Variants in CNTN1 observed in about 807,000 individuals in gnomAD.
CNTN1 encodes contactin-1.
In CNTN1, 38 loss-of-function variants were observed where a neutral mutation model predicts 126.4. That is an observed-to-expected ratio of 0.30 (90% CI 0.23 to 0.39). The LOEUF is 0.39. Among genes scored for constraint, CNTN1 ranks in the 10% least tolerant of loss-of-function variants. The pLI is 1.00. For missense variants in CNTN1, 1,009 were observed against 1,248.4 expected, an observed-to-expected ratio of 0.81 and a Z score of 2.89; for synonymous variants, 413 against 422.6, an observed-to-expected ratio of 0.98 and a Z score of 0.28.
At chr12:40,813,058 T>TCTTTCTTTCTTTCTTCCTTC (rs71078274) in intron 1 of CNTN1, among the ~76,000 whole-genome samples, 4 of 104,788 alleles carry the variant, frequency 3.8e-5, no homozygotes, top group African/African-American at 1.4e-4. Flanking sequence ...TTTCTTTCTT[T>TCTTTCTTTCTTTCTTCCTTC]CTTCCTTCCT....
At chr12:40,701,838 C>T (rs979891662) in intron 1 of CNTN1, among the ~76,000 whole-genome samples, 2 of 152,122 alleles carry the variant, frequency 1.3e-5, no homozygotes, top group South Asian at 4.1e-4. Context: ...CTTTCCTTTT[C>T]CCTTTTTCAT....
chr12:40,986,942 G>C (rs535356008), intron 16 of CNTN1, among the ~76,000 whole-genome samples: 1 of 152,132 alleles, frequency 6.6e-6, no homozygotes, highest in East Asian at 1.9e-4. Flanking sequence ...TTTTCTTCTT[G>C]CTAACATCTG....
chr12:40,778,235 A>C (rs1939662889), intron 1 of CNTN1, among the ~76,000 whole-genome samples: 2 of 151,832 alleles, frequency 1.3e-5, no homozygotes, highest in African/African-American at 2.4e-5. Context: ...TGTTATCATC[A>C]TATTTTATTG....
chr12:40,812,732 C>A (rs1306543495), intron 1 of CNTN1, among the ~76,000 whole-genome samples: 1 of 152,088 alleles, frequency 6.6e-6, no homozygotes, highest in East Asian at 1.9e-4. Context: ...GTTCCATTTG[C>A]ATGGAATATC....
At chr12:40,760,173 G>A (rs569851295) in intron 1 of CNTN1, among the ~76,000 whole-genome samples, 86 of 152,132 alleles carry the variant, frequency 5.7e-4, no homozygotes, top group African/African-American at 2.0e-3. Context: ...TTAGTTGACA[G>A]TATAGGAAAT....
At chr12:40,765,042 G>A (rs1592061629) in intron 1 of CNTN1, among the ~76,000 whole-genome samples, 1 of 150,858 alleles carries the variant, frequency 6.6e-6, no homozygotes, top group East Asian at 1.9e-4. Context: ...TAGTAATTGG[G>A]TACAATATTT....
chr12:40,915,428 A>C (rs1035640327), intron 3 of CNTN1, among the ~76,000 whole-genome samples: 1 of 152,148 alleles, frequency 6.6e-6, no homozygotes, highest in African/African-American at 2.4e-5. Context: ...GACACTAGAC[A>C]GGCCAGGGCT....
chr12:40,740,754 G>T (rs1937911139), intron 1 of CNTN1, among the ~76,000 whole-genome samples: 1 of 152,010 alleles, frequency 6.6e-6, no homozygotes, highest in Admixed American at 6.6e-5. Context: ...ATGGGGGTGG[G>T]TTTTCCCATG....
At chr12:40,788,576 A>C (rs1940113277) in intron 1 of CNTN1, among the ~76,000 whole-genome samples, 1 of 152,066 alleles carries the variant, frequency 6.6e-6, no homozygotes, top group African/African-American at 2.4e-5. Context: ...GTAGCATTAA[A>C]ATCACAAAAG....
intron 1 of CNTN1, among the ~76,000 whole-genome samples, chr12:40,755,231 A>G (rs1259158037): frequency 6.8e-6 from 1 of 146,640 alleles, no homozygotes; most frequent in Non-Finnish European, 1.5e-5. Flanking sequence ...AAAAAAGAAG[A>G]AAAGAAAAAG....
At chr12:40,914,790 A>G (rs1411758660) in intron 3 of CNTN1, among the ~76,000 whole-genome samples, 5 of 152,164 alleles carry the variant, frequency 3.3e-5, no homozygotes, top group African/African-American at 1.2e-4. Flanking sequence ...TAATTTGTGA[A>G]AAGTATTGTA....
intron 14 of CNTN1, among the ~76,000 whole-genome samples, chr12:40,958,896 G>T (rs1267153245): frequency 2.0e-5 from 3 of 152,006 alleles, no homozygotes; most frequent in African/African-American, 7.2e-5. Flanking sequence ...GAATGTTAAA[G>T]ATATGAAAGC....
At chr12:40,820,276 A>T (rs1941404070) in intron 1 of CNTN1, among the ~76,000 whole-genome samples, 1 of 152,126 alleles carries the variant, frequency 6.6e-6, no homozygotes, top group African/African-American at 2.4e-5. Context: ...TCTATTCCTG[A>T]GGTATCCATC....
At chr12:40,910,257 T>C (rs916773400) in intron 3 of CNTN1, 152 bp downstream of exon 3, 7 of 601,796 alleles carry the variant, frequency 1.2e-5, no homozygotes, top group South Asian at 2.1e-5. Context: ...TCTGAGATTA[T>C]AAGCAAACTG....
chr12:40,795,723 T>C (rs921425407), intron 1 of CNTN1, among the ~76,000 whole-genome samples: 1 of 152,126 alleles, frequency 6.6e-6, no homozygotes, highest in African/African-American at 2.4e-5. Flanking sequence ...TAAGCTCTTA[T>C]TGGTCATTAG....
intron 1 of CNTN1, among the ~76,000 whole-genome samples, chr12:40,793,068 C>T (rs1158706713): frequency 6.6e-6 from 1 of 152,034 alleles, no homozygotes; most frequent in Admixed American, 6.6e-5. Context: ...AAAAGAGACT[C>T]AGAGTCTAAC....
At chr12:40,850,978 A>T (rs1942695970) in intron 1 of CNTN1, among the ~76,000 whole-genome samples, 1 of 152,148 alleles carries the variant, frequency 6.6e-6, no homozygotes, top group Non-Finnish European at 1.5e-5. Context: ...ATTTCCATCC[A>T]ATTGTCTTGA....
chr12:40,925,407 C>T (rs888576607), intron 6 of CNTN1, among the ~76,000 whole-genome samples: 12 of 150,966 alleles, frequency 7.9e-5, no homozygotes, highest in Admixed American at 4.0e-4. Flanking sequence ...GAGAATGAAA[C>T]GTAACAGGCT....
At chr12:40,912,388 T>C (rs1250329321) in intron 3 of CNTN1, among the ~76,000 whole-genome samples, 1 of 126,314 alleles carries the variant, frequency 7.9e-6, no homozygotes, top group East Asian at 2.1e-4. Flanking sequence ...CTGCATTTAC[T>C]TTACTTTCAG....
Sources: allele counts gnomAD v4.1 joint callset (sites outside exome capture counted in the v4.1 genomes callset), GRCh38; gene constraint gnomAD v4.1.1; transcripts MANE v1.5; gene names NCBI Gene and HGNC (gene_info 2026-07-23, HGNC 2026-07-21).